The following ARHGAP6 variants were observed in gnomAD, a reference collection of about 807,000 sequenced individuals.
ARHGAP6 encodes rho GTPase-activating protein 6.
A neutral mutation model predicts 55.7 loss-of-function variants in ARHGAP6; 16 were observed. The observed-to-expected ratio is 0.29, with a 90% CI of 0.19 to 0.44. ARHGAP6 has a LOEUF of 0.44. Ranked by LOEUF, ARHGAP6 falls within the 20% of genes least tolerant of loss-of-function variation. The pLI, the probability that ARHGAP6 is intolerant of heterozygous loss-of-function variation, is 1.00. For missense variants in ARHGAP6, 698 were observed against 808.9 expected (o/e 0.86, Z 1.66); for synonymous variants, 382 against 360.9 (o/e 1.06, Z -0.66).
chrX:11,499,987 T>G (rs2050660311), intron 1 of ARHGAP6, among the ~76,000 whole-genome samples: 1 of 112,431 alleles, frequency 8.9e-6, no homozygotes. Context: ...TCTCGTGGGT[T>G]TTTTTATTTG....
At chrX:11,198,501 C>T (rs1351352068) in intron 2 of ARHGAP6, among the ~76,000 whole-genome samples, 2 of 112,012 alleles carry the variant, frequency 1.8e-5, no homozygotes, top group African/African-American at 6.5e-5. Context: ...AGGTCTTTTA[C>T]TCTGTAACAC....
intron 1 of ARHGAP6, among the ~76,000 whole-genome samples, chrX:11,319,990 C>G (rs2048411345): frequency 8.9e-6 from 1 of 112,038 alleles, no homozygotes; most frequent in Non-Finnish European, 1.9e-5. Context: ...ATTCGCGTAA[C>G]TTCTTTTTTT....
At chrX:11,440,440 T>C (rs928136026) in intron 1 of ARHGAP6, among the ~76,000 whole-genome samples, 1 of 112,233 alleles carries the variant, frequency 8.9e-6, no homozygotes, top group African/African-American at 3.2e-5. Flanking sequence ...AGGTCACACA[T>C]TGAATGTGAT....
At chrX:11,560,356 C>T (rs1185633892) in intron 1 of ARHGAP6, among the ~76,000 whole-genome samples, 1 of 112,113 alleles carries the variant, frequency 8.9e-6, no homozygotes. Context: ...CCTTAGTTTA[C>T]TCATCTCTAA....
chrX:11,351,576 G>A, intron 1 of ARHGAP6: 1 of 753,959 alleles, frequency 1.3e-6, no homozygotes, highest in Non-Finnish European at 1.6e-6. Flanking sequence ...TACCGCCTCA[G>A]TACTGTCTTC....
At chrX:11,442,262 A>C (rs1399391469) in intron 1 of ARHGAP6, among the ~76,000 whole-genome samples, 3 of 110,825 alleles carry the variant, frequency 2.7e-5, no homozygotes. Flanking sequence ...TCAGCCAAAA[A>C]ATATGGGTGA....
chrX:11,592,354 C>T (rs2051845743), intron 1 of ARHGAP6, among the ~76,000 whole-genome samples: 1 of 111,913 alleles, frequency 8.9e-6, no homozygotes, highest in Non-Finnish European at 1.9e-5. Flanking sequence ...TCTTTGTGTG[C>T]CACAGCCTAA....
At chrX:11,525,174 A>C (rs2050976335) in intron 1 of ARHGAP6, among the ~76,000 whole-genome samples, 1 of 111,877 alleles carries the variant, frequency 8.9e-6, no homozygotes, top group Admixed American at 9.5e-5. Context: ...TAAGATGTTT[A>C]GAGGCATCCC....
intron 1 of ARHGAP6, among the ~76,000 whole-genome samples, chrX:11,511,098 A>G (rs1031439387): frequency 2.7e-5 from 3 of 111,996 alleles, no homozygotes; most frequent in African/African-American, 9.7e-5. Context: ...AGCGGCAAAT[A>G]ATTATTAGTA....
At chrX:11,408,295 AATGCATACAGTGTGGCAAACGTTGT>A (rs1355119305) in intron 1 of ARHGAP6, among the ~76,000 whole-genome samples, 1 of 111,057 alleles carries the variant, frequency 9.0e-6, no homozygotes, top group Non-Finnish European at 1.9e-5. Context: ...CCAGATTCTC[AATGCATACAGTGTGGCAAACGTTGT>A]ATAAGCCTCA....
intron 1 of ARHGAP6, among the ~76,000 whole-genome samples, chrX:11,634,450 T>C (rs1382785878): frequency 6.3e-5 from 7 of 111,546 alleles, no homozygotes; most frequent in Non-Finnish European, 1.1e-4. Context: ...GCATACCTTT[T>C]GGATCATTTA....
At chrX:11,438,352 G>A (rs1232969454) in intron 1 of ARHGAP6, among the ~76,000 whole-genome samples, 1 of 112,531 alleles carries the variant, frequency 8.9e-6, no homozygotes, top group African/African-American at 3.2e-5. Context: ...ATAGGCCTAC[G>A]ATGCTAATTC....
chrX:11,241,576 G>GCA (rs2047282928), intron 2 of ARHGAP6, among the ~76,000 whole-genome samples: 1 of 107,741 alleles, frequency 9.3e-6, no homozygotes, highest in African/African-American at 3.4e-5. Flanking sequence ...GTGTGTGTGC[G>GCA]CGTGTGTCAT....
chrX:11,444,672 A>G (rs775119492), intron 1 of ARHGAP6, among the ~76,000 whole-genome samples: 2 of 112,150 alleles, frequency 1.8e-5, no homozygotes, highest in Non-Finnish European at 3.8e-5. Flanking sequence ...TACCTTCATT[A>G]CTAGCCAAAC....
At position 11,365,532 on chromosome X, in the gene ARHGAP6, T is replaced by A. The variant is rs764133182; in HGVS notation, c.589-110825A>T. On this transcript the variant is annotated intron_variant, in intron 1 of 12. Transcript: ENST00000337414. ...TATTATCAAAATATATCTTGATTAA[T>A]GCCTTAGCAATATTAAGTAACGTAT... 1.1e-4 allele frequency among the ~76,000 whole-genome samples: 12 copies of A among 112,768 alleles called. No individual in the cohort carries two copies. The South Asian group carries it at 4.0e-3, about 38-fold the overall frequency.
intron 1 of ARHGAP6, among the ~76,000 whole-genome samples, chrX:11,650,706 C>A (rs1336279418): frequency 2.7e-5 from 3 of 112,708 alleles, no homozygotes; most frequent in African/African-American, 9.7e-5. Context: ...TCACCATACA[C>A]TTTCAGCTAC....
chrX:11,282,564 C>A (rs1031449928), intron 1 of ARHGAP6, among the ~76,000 whole-genome samples: 1 of 112,261 alleles, frequency 8.9e-6, no homozygotes, highest in Admixed American at 9.5e-5. Flanking sequence ...CAGTAAAGGT[C>A]TGGCAGATGT....
At chrX:11,289,150 C>T (rs942941935) in intron 1 of ARHGAP6, among the ~76,000 whole-genome samples, 1 of 111,890 alleles carries the variant, frequency 8.9e-6, no homozygotes, top group African/African-American at 3.3e-5. Flanking sequence ...TGAACTCTTG[C>T]TGTGAATGTT....
At chrX:11,583,084 A>G (rs1480023629) in intron 1 of ARHGAP6, among the ~76,000 whole-genome samples, 1 of 112,265 alleles carries the variant, frequency 8.9e-6, no homozygotes, top group Non-Finnish European at 1.9e-5. Context: ...TTTTAAAATA[A>G]TAAAACTGAG....
Sources: gnomAD v4.1 joint callset for allele counts (sites outside exome capture counted in the v4.1 genomes callset) on GRCh38, gnomAD v4.1.1 for gene constraint, MANE v1.5 for transcripts, NCBI Gene and HGNC (gene_info 2026-07-23, HGNC 2026-07-21) for gene names.